SAMSN1: variants seen among roughly 807,000 people sequenced by gnomAD.
SAMSN1 encodes the protein SAM domain-containing protein SAMSN-1.
Under a neutral mutation model 42.0 loss-of-function variants are expected in SAMSN1, and 31 were observed. The observed-to-expected ratio is 0.74, with a 90% confidence interval of 0.55 to 1.00. The LOEUF (loss-of-function observed/expected upper bound fraction) is 1.00. SAMSN1 is among the 50% of genes least tolerant of loss of function. The pLI is 0.00. For synonymous variants in SAMSN1, 178 were observed against 151.9 expected, an observed-to-expected ratio of 1.17 and a Z score of -1.26; for missense variants, 464 against 439.4, an observed-to-expected ratio of 1.06 and a Z score of -0.50.
At chr21:14,630,230 T>C (rs1315904377) in intron 2 of SAMSN1, among the ~76,000 whole-genome samples, 1 of 152,196 alleles carries the variant, frequency 6.6e-6, no homozygotes, top group East Asian at 1.9e-4. Flanking sequence ...GGTGTCCATG[T>C]ATAAAACGAA....
intron 2 of SAMSN1, among the ~76,000 whole-genome samples, chr21:14,572,073 A>G (rs998736977): frequency 1.3e-5 from 2 of 152,206 alleles, no homozygotes; most frequent in Admixed American, 1.3e-4. Context: ...TTGTGGCCAC[A>G]CAGCTCAGGG....
intron 7 of SAMSN1, among the ~76,000 whole-genome samples, chr21:14,493,577 A>G (rs1437975023): frequency 2.4e-4 from 12 of 49,570 alleles, no homozygotes; most frequent in Admixed American, 7.1e-4. Flanking sequence ...ATGGAACAAC[A>G]CACACACACA....
At chr21:14,493,493 A>G (rs550159962) in intron 7 of SAMSN1, among the ~76,000 whole-genome samples, 1 of 152,184 alleles carries the variant, frequency 6.6e-6, no homozygotes, top group African/African-American at 2.4e-5. Context: ...TGTTTACTAT[A>G]AACAACAGTA....
intron 2 of SAMSN1, among the ~76,000 whole-genome samples, chr21:14,617,307 GCAATCT>G: frequency 6.6e-6 from 1 of 152,218 alleles, no homozygotes; most frequent in Non-Finnish European, 1.5e-5. Context: ...CTAAAAGTAT[GCAATCT>G]CTATTCAAGG....
intron 2 of SAMSN1, among the ~76,000 whole-genome samples, chr21:14,622,771 G>T (rs887831145): frequency 6.6e-6 from 1 of 152,104 alleles, no homozygotes; most frequent in East Asian, 1.9e-4. Flanking sequence ...TACAGAGAAT[G>T]CCACAAAGAT....
intron 5 of SAMSN1, among the ~76,000 whole-genome samples, chr21:14,504,459 T>C (rs1283945542): frequency 1.3e-5 from 2 of 152,120 alleles, no homozygotes; most frequent in African/African-American, 4.8e-5. Flanking sequence ...TGCAAAATGC[T>C]CTGGAAAGTT....
rs112080363 is a variant in SAMSN1 at position 14,560,452 on chromosome 21, G to A, written c.261+21684C>T. On this transcript the variant is annotated intron_variant, in intron 2 of 8. Transcript: ENST00000285670. ...GAATTTAGTATATAGTTTAATCTTA[G>A]AGCAAAGATTAAACTTCAAAACATG... is the stretch of plus-strand genomic sequence containing the variant. 1.1e-3 allele frequency among the ~76,000 whole-genome samples: 168 copies of A among 151,980 alleles called. 9 individuals carry two copies. Among genetic ancestry groups the A allele is most frequent in the African/African-American group, 2.9e-3 (120 of 41,492 alleles).
At chr21:14,636,790 G>A (rs1983478748) in intron 2 of SAMSN1, among the ~76,000 whole-genome samples, 1 of 152,038 alleles carries the variant, frequency 6.6e-6, no homozygotes. Flanking sequence ...CTTGAACCCT[G>A]GGGGTGGAGC....
In SAMSN1 at chr21:14,642,854, A is replaced by G; in HGVS notation, c.156+148T>C. On this transcript the variant is annotated intron_variant, in intron 2 of 15. Transcript: ENST00000647101. ...ATAAGCCAAAATCATAAAAAAGACA[A>G]CAAGAAAGAGAAAAGCAGAAACTAA... is the stretch of plus-strand genomic sequence containing the variant. 2 of 563,916 alleles carry G rather than the reference A, an allele frequency of 3.5e-6. 1 individual carries two copies. Among genetic ancestry groups the G allele is most frequent in the Admixed American group, 6.1e-5 (2 of 32,938 alleles). 34.9% of individuals were successfully genotyped at this position (563,916 alleles called of 1,614,324 possible).
At chr21:14,617,973 T>G (rs952883270) in intron 2 of SAMSN1, among the ~76,000 whole-genome samples, 1 of 152,366 alleles carries the variant, frequency 6.6e-6, no homozygotes, top group Admixed American at 6.5e-5. Flanking sequence ...TTGTAACAGC[T>G]GATTGTGGTG....
intron 7 of SAMSN1, among the ~76,000 whole-genome samples, chr21:14,494,853 C>T (rs768586065): frequency 1.3e-5 from 2 of 152,132 alleles, no homozygotes; most frequent in Non-Finnish European, 2.9e-5. Flanking sequence ...TGTACCCCAT[C>T]CTCTTGGTCT....
rs529476649 is a variant in SAMSN1 at position 14,625,156 on chromosome 21, C to T, written c.157-9140G>A. 8.5e-5 allele frequency among the ~76,000 whole-genome samples: 13 copies of T among 152,140 alleles called. No individual in the cohort carries two copies. In the South Asian group the frequency reaches 2.5e-3, roughly 29 times the overall value. ...AATAATAAGAGCTATCTATGACAAA[C>T]CCACAGCCAATATCATACTGAATGG... On this transcript the variant is annotated intron_variant, in intron 2 of 15. Coordinates refer to the SAMSN1 transcript ENST00000647101.
chr21:14,566,464 T>G lies in SAMSN1; in HGVS notation c.261+15672A>C, dbSNP rs541675905. Among the ~76,000 whole-genome samples the G allele has an allele frequency of 3.3e-5, 5 of 152,260 alleles. No individual in the cohort carries two copies. In the South Asian group the frequency reaches 1.0e-3, roughly 32 times the overall value. ...CCACCATATAATGCCACTTAAAAAT[T>G]ACTGCATTTTACAAAGGTAAAGGCA... On this transcript the variant is annotated intron_variant, in intron 2 of 8. Transcript: ENST00000285670.
chr21:14,654,060 T>C (rs1388257853), intron 1 of SAMSN1, among the ~76,000 whole-genome samples: 1 of 152,028 alleles, frequency 6.6e-6, no homozygotes, highest in Non-Finnish European at 1.5e-5. Context: ...CATTGTGTAA[T>C]GTATTATAAC....
At chr21:14,492,944 G>A (rs1986756234) in intron 7 of SAMSN1, among the ~76,000 whole-genome samples, 1 of 152,198 alleles carries the variant, frequency 6.6e-6, no homozygotes, top group African/African-American at 2.4e-5. Context: ...CATATGGCAA[G>A]TGGGTTGGAA....
At chr21:14,508,629 A>G (rs907578254) in intron 5 of SAMSN1, among the ~76,000 whole-genome samples, 4 of 152,262 alleles carry the variant, frequency 2.6e-5, no homozygotes, top group Admixed American at 2.0e-4. Context: ...TAGTACAACC[A>G]CTATGGAAAA....
chr21:14,520,251 T>A (rs1186297936), intron 2 of SAMSN1, among the ~76,000 whole-genome samples: 2 of 152,236 alleles, frequency 1.3e-5, no homozygotes, highest in Non-Finnish European at 2.9e-5. Flanking sequence ...TGTTTCAGTG[T>A]ACATTGAAGT....
At chr21:14,525,621 C>G (rs931260887) in intron 1 of SAMSN1, among the ~76,000 whole-genome samples, 1 of 152,142 alleles carries the variant, frequency 6.6e-6, no homozygotes, top group Non-Finnish European at 1.5e-5. Flanking sequence ...AGTAATGTTA[C>G]TCTCTTATAT....
chr21:14,619,677 A>C (rs368388482), intron 2 of SAMSN1: 1 of 325,886 alleles, frequency 3.1e-6, no homozygotes, highest in Admixed American at 4.0e-5. Flanking sequence ...TGATATTCCT[A>C]TAACAAAAGA....
Sources: gnomAD v4.1 joint callset for allele counts (sites outside exome capture counted in the v4.1 genomes callset) on GRCh38, gnomAD v4.1.1 for gene constraint, MANE v1.5 for transcripts, NCBI Gene and HGNC (gene_info 2026-07-23, HGNC 2026-07-21) for gene names.